The following PLXDC2 variants were observed in gnomAD, a reference collection of about 807,000 sequenced individuals.
PLXDC2 encodes plexin domain-containing protein 2.
A neutral mutation model predicts 68.9 loss-of-function variants in PLXDC2; 40 were observed. The observed-to-expected ratio is 0.58, with a 90% CI of 0.45 to 0.76. The LOEUF (loss-of-function observed/expected upper bound fraction) is 0.76. Among genes scored for constraint, PLXDC2 ranks in the 30% least tolerant of loss-of-function variants. The pLI is 0.00. For missense variants in PLXDC2, 644 were observed against 661.9 expected, an observed-to-expected ratio of 0.97 and a Z score of 0.30; for synonymous variants, 243 against 234.2, an observed-to-expected ratio of 1.04 and a Z score of -0.34.
intron 2 of PLXDC2, among the ~76,000 whole-genome samples, chr10:20,038,264 AAG>A (rs1012831568): frequency 4.6e-5 from 7 of 152,048 alleles, no homozygotes; most frequent in Non-Finnish European, 8.8e-5. Flanking sequence ...ATTTAAAAAA[AAG>A]AATAAAATAA....
intron 2 of PLXDC2, among the ~76,000 whole-genome samples, chr10:20,028,067 T>C (rs949968045): frequency 6.6e-6 from 1 of 152,232 alleles, no homozygotes; most frequent in Non-Finnish European, 1.5e-5. Flanking sequence ...TGAAATACTT[T>C]ATAGATTTCT....
intron 1 of PLXDC2, among the ~76,000 whole-genome samples, chr10:19,872,679 G>C (rs144969777): frequency 1.3e-5 from 2 of 152,102 alleles, no homozygotes; most frequent in African/African-American, 4.8e-5. Flanking sequence ...ACCGGGTGGG[G>C]CTCAGGGGAA....
At chr10:19,833,396 G>A (rs1024879048) in intron 1 of PLXDC2, among the ~76,000 whole-genome samples, 3 of 152,184 alleles carry the variant, frequency 2.0e-5, no homozygotes, top group African/African-American at 7.2e-5. Flanking sequence ...CTGCCTGCTG[G>A]AATGCAAAGC....
chr10:20,225,468 T>C (rs945555858), intron 12 of PLXDC2, among the ~76,000 whole-genome samples: 1 of 152,158 alleles, frequency 6.6e-6, no homozygotes, highest in African/African-American at 2.4e-5. Flanking sequence ...ATCTATCACT[T>C]TCTGTTTTTA....
At chr10:19,867,859 G>A (rs937323940) in intron 1 of PLXDC2, among the ~76,000 whole-genome samples, 1 of 152,076 alleles carries the variant, frequency 6.6e-6, no homozygotes, top group Non-Finnish European at 1.5e-5. Context: ...ATGTACCCTT[G>A]AAAAATCAGA....
chr10:20,016,361 G>A (rs561089553), intron 2 of PLXDC2, among the ~76,000 whole-genome samples: 17 of 152,252 alleles, frequency 1.1e-4, no homozygotes, highest in East Asian at 3.9e-4. Flanking sequence ...GAAGTAAAAC[G>A]GAGTCCATGT....
chr10:20,097,170 G>A (rs541272868), intron 4 of PLXDC2, among the ~76,000 whole-genome samples: 32 of 152,180 alleles, frequency 2.1e-4, no homozygotes, highest in Admixed American at 7.2e-4. Flanking sequence ...TATATGTAAC[G>A]CAGTTGAAGT....
intron 5 of PLXDC2, among the ~76,000 whole-genome samples, chr10:20,146,521 TCCC>T (rs1257651797): frequency 4.9e-5 from 7 of 141,912 alleles, no homozygotes; most frequent in South Asian, 2.6e-4. Flanking sequence ...CCTTCCTTCC[TCCC>T]TCCCTCCCTC....
chr10:20,223,312 A>ATTTTTTTTTTTTTTT (rs58086408), intron 12 of PLXDC2, among the ~76,000 whole-genome samples: 1 of 131,176 alleles, frequency 7.6e-6, no homozygotes, highest in Non-Finnish European at 1.6e-5. Context: ...ACAGAATTGA[A>ATTTTTTTTTTTTTTT]TTTTTTTTTT....
intron 1 of PLXDC2, among the ~76,000 whole-genome samples, chr10:19,995,523 G>A (rs1025816895): frequency 6.6e-6 from 1 of 152,210 alleles, no homozygotes; most frequent in African/African-American, 2.4e-5. Flanking sequence ...CCAGAAGGAA[G>A]GAAGGTGTTC....
intron 2 of PLXDC2, among the ~76,000 whole-genome samples, chr10:20,025,058 C>A (rs1035225115): frequency 6.6e-6 from 1 of 151,970 alleles, no homozygotes; most frequent in African/African-American, 2.4e-5. Flanking sequence ...TGGTAGACAC[C>A]AAAATGATGT....
At chr10:19,940,862 G>C (rs192033355) in intron 1 of PLXDC2, among the ~76,000 whole-genome samples, 2 of 152,304 alleles carry the variant, frequency 1.3e-5, no homozygotes, top group Admixed American at 1.3e-4. Context: ...TCTCTGAGCT[G>C]TGGGGTGTGT....
intron 13 of PLXDC2, among the ~76,000 whole-genome samples, chr10:20,264,817 G>GCTTCAAC (rs1564371026): frequency 6.6e-6 from 1 of 151,456 alleles, no homozygotes; most frequent in Non-Finnish European, 1.5e-5. Context: ...TAATAGGAAA[G>GCTTCAAC]AAAAAAACCA....
intron 13 of PLXDC2, among the ~76,000 whole-genome samples, chr10:20,276,763 C>T (rs1230516997): frequency 6.6e-6 from 1 of 152,076 alleles, no homozygotes; most frequent in Non-Finnish European, 1.5e-5. Context: ...AACAACATAT[C>T]CCTTCTCTGA....
At chr10:19,872,904 C>A (rs774625366) in intron 1 of PLXDC2, among the ~76,000 whole-genome samples, 4 of 152,088 alleles carry the variant, frequency 2.6e-5, no homozygotes, top group Admixed American at 6.6e-5. Context: ...CACCAGTGTG[C>A]GGGAAAGAGT....
chr10:20,242,751 C>T (rs1446316516), intron 12 of PLXDC2, among the ~76,000 whole-genome samples: 1 of 152,146 alleles, frequency 6.6e-6, no homozygotes, highest in Non-Finnish European at 1.5e-5. Flanking sequence ...CGCTCTGTCG[C>T]CCAGGCTGGA....
At chr10:19,868,212 T>C (rs1643486569) in intron 1 of PLXDC2, among the ~76,000 whole-genome samples, 1 of 152,192 alleles carries the variant, frequency 6.6e-6, no homozygotes, top group Non-Finnish European at 1.5e-5. Flanking sequence ...GATTATTTTG[T>C]CACCGAGGTA....
rs187079117 is a variant in PLXDC2, at chr10:20,005,776, T to G, written c.324+3790T>G. Among the ~76,000 whole-genome samples the G allele has an allele frequency of 4.4e-3, 664 of 152,286 alleles. 5 individuals carry two copies. Among genetic ancestry groups the G allele is most frequent in the African/African-American group, 0.015 (617 of 41,560 alleles). On this transcript the variant is annotated intron_variant, in intron 2 of 13. Coordinates refer to ENST00000377252, the MANE Select transcript of PLXDC2 (RefSeq NM_032812.9). ...GCCATTCATGAGGGATCTGCCCCTG[T>G]GATTCAGACACCTCCCACCAGGCCC...
In PLXDC2 at chr10:20,288,746, G is replaced by A. The variant is rs549652317; in HGVS notation, c.*8927G>A. The stretch of plus-strand genomic sequence containing the variant: ...AACCAAGTTTCTCTGCAGCTCTTTC[G>A]GTTCTGCTTACAGTGTGTGGGAAAT... On this transcript the variant is annotated 3_prime_UTR_variant, in exon 14 of 14. Transcript: ENST00000377252. 2 of 152,138 alleles carry A rather than the reference G, an allele frequency of 1.3e-5. No individual in the cohort carries two copies. Among genetic ancestry groups the A allele is most frequent in the South Asian group, 2.1e-4 (1 of 4,816 alleles). The allele number at this position is 152,138 out of a possible 1,614,324, so 9.4% of individuals were successfully genotyped here. A position where few individuals can be genotyped will look rare whatever the true frequency, so the allele number is the denominator to read the frequency against.
Sources: allele counts gnomAD v4.1 joint callset (sites outside exome capture counted in the v4.1 genomes callset), GRCh38; gene constraint gnomAD v4.1.1; transcripts MANE v1.5; gene names NCBI Gene and HGNC (gene_info 2026-07-23, HGNC 2026-07-21).